The following PITPNM3 variants were observed in gnomAD, a reference collection of about 807,000 sequenced individuals.
PITPNM3 encodes the protein PITPNM family member 3.
Under a neutral mutation model 102.0 loss-of-function variants are expected in PITPNM3, and 26 were observed. The observed-to-expected ratio is 0.25, with a 90% CI of 0.19 to 0.35. The LOEUF (loss-of-function observed/expected upper bound fraction) is 0.35, where lower values mean the gene tolerates loss of function less well. PITPNM3 is among the 10% of genes least tolerant of loss of function. The pLI, the probability that PITPNM3 is intolerant of heterozygous loss-of-function variation, is 1.00. For synonymous variants in PITPNM3, 578 were observed against 558.6 expected (o/e 1.03, Z -0.49); for missense variants, 1,083 against 1,346.1 (o/e 0.80, Z 3.06).
intron 2 of PITPNM3, among the ~76,000 whole-genome samples, chr17:6,531,849 T>C (rs1909164515): frequency 1.3e-5 from 2 of 152,112 alleles, no homozygotes; most frequent in Non-Finnish European, 2.9e-5. Context: ...ACGCCTGTCA[T>C]CCCAGCACTC....
intron 3 of PITPNM3, among the ~76,000 whole-genome samples, chr17:6,522,672 T>G (rs1908605296): frequency 6.6e-6 from 1 of 152,134 alleles, no homozygotes; most frequent in Non-Finnish European, 1.5e-5. Context: ...GAGTCCTGTG[T>G]CTAAGGGCAG....
At chr17:6,522,627 C>T (rs376602715) in intron 3 of PITPNM3, among the ~76,000 whole-genome samples, 3 of 152,094 alleles carry the variant, frequency 2.0e-5, no homozygotes, top group Non-Finnish European at 2.9e-5. Context: ...CTGGCCAGAG[C>T]GTCCAGCATG....
In PITPNM3 at chr17:6,470,446, C is replaced by A. The variant is rs111463121; in HGVS notation, c.1625-38G>T. 5.8e-5 allele frequency: 94 copies of A among 1,613,572 alleles called. 1 individual carries two copies. In the African/African-American group the frequency reaches 1.1e-3, roughly 19 times the overall value. Reference sequence around the variant, plus strand: ...GAGGAAGGTGAGGATGCGTGGCCGGCCCGGGGCCTCACCCGAGGGGCAGCG... The same window carrying A: ...GAGGAAGGTGAGGATGCGTGGCCGGACCGGGGCCTCACCCGAGGGGCAGCG... On this transcript the variant is annotated intron_variant, in intron 12 of 19. Coordinates refer to ENST00000262483, the MANE Select transcript of PITPNM3 (RefSeq NM_031220.4). The surrounding 1 kb of genome is among the most constrained non-coding windows in gnomAD (Gnocchi z 4.8).
chr17:6,473,704 C>T (rs1381007956), intron 10 of PITPNM3, among the ~76,000 whole-genome samples: 1 of 152,094 alleles, frequency 6.6e-6, no homozygotes, highest in Non-Finnish European at 1.5e-5. Context: ...TAGCCGGGCA[C>T]GGTGGTTCAC....
Position 6,468,613 on chromosome 17 carries a change from A to C in PITPNM3, c.1774-272T>G, listed in dbSNP as rs1904905276. 6.6e-6 allele frequency among the ~76,000 whole-genome samples: 1 copy of C among 151,170 alleles called. No individual in the cohort carries two copies. The highest frequency in any genetic ancestry group is 2.4e-5 in the African/African-American group (1 of 41,080). On this transcript the variant is annotated intron_variant, in intron 13 of 19. Coordinates refer to ENST00000262483, the MANE Select transcript of PITPNM3 (RefSeq NM_031220.4). The surrounding 1 kb of genome is among the most constrained non-coding windows in gnomAD (Gnocchi z 5.2). ...CTGGCAGCCACCTCTATCTGTCCCCACTCTCTGCCCTCCCTCTGTTACAAC... is the reference window on the plus strand; with the variant it reads ...CTGGCAGCCACCTCTATCTGTCCCCCCTCTCTGCCCTCCCTCTGTTACAAC...
At chr17:6,505,656 C>T (rs1157755196) in intron 3 of PITPNM3, among the ~76,000 whole-genome samples, 1 of 152,208 alleles carries the variant, frequency 6.6e-6, no homozygotes, top group East Asian at 1.9e-4. Flanking sequence ...ACTCTGGCGT[C>T]CCTAAGAAGT....
rs1905147711 is a variant in PITPNM3 at position 6,473,299 on chromosome 17, GCT to G, written c.1259-474_1259-473del. The G allele has an allele frequency of 1.7e-4, 41 of 243,510 alleles. No homozygotes were observed. In the South Asian group the frequency reaches 2.1e-3, roughly 12 times the overall value. The allele number at this position is 243,510 out of a possible 1,614,324, so 15.1% of individuals were successfully genotyped here. A position where few individuals can be genotyped will look rare whatever the true frequency, so the allele number is the denominator to read the frequency against. ...CTGCTAGAGTTCCAGGTTTGCCAGA[GCT>G]GGTGGAACACTTCTCTCGCTGACCA... On this transcript the variant is annotated intron_variant, in intron 10 of 19. Transcript: ENST00000262483.
Position 6,451,927 on chromosome 17 carries a change from C to T in PITPNM3, c.*3411G>A, listed in dbSNP as rs1485433178. 4.3e-5 allele frequency: 4 copies of T among 94,028 alleles called. No homozygotes were observed. The highest frequency in any genetic ancestry group is 4.2e-5 in the Non-Finnish European group (2 of 47,276). The allele number at this position is 94,028 out of a possible 1,614,324, so 5.8% of individuals were successfully genotyped here. A position where few individuals can be genotyped will look rare whatever the true frequency, so the allele number is the denominator to read the frequency against. On this transcript the variant is annotated 3_prime_UTR_variant, in exon 20 of 20. Coordinates refer to ENST00000262483, the MANE Select transcript of PITPNM3 (RefSeq NM_031220.4). ...CGGTGGGAAAGTTGGTTGTTTAAGG[C>T]GGGGTCAGGGCACCCCTCCCGGGGC...
At position 6,556,035 on chromosome 17, in the gene PITPNM3, G is replaced by C. The variant is rs1007975567; in HGVS notation, c.22+350C>G. ...GGGTGTGGGACGAAGCGGCGGCCGC[G>C]GGACATCCCCTTCGGTGGCGAAGCC... On this transcript the variant is annotated intron_variant, in intron 1 of 19. Transcript: ENST00000262483. This position sits in a 1 kb window ranked among gnomAD's most constrained non-coding sequence, Gnocchi z 5.2. 1.3e-5 allele frequency among the ~76,000 whole-genome samples: 2 copies of C among 152,142 alleles called. No individual in the cohort carries two copies. Among genetic ancestry groups the C allele is most frequent in the Non-Finnish European group, 2.9e-5 (2 of 68,010 alleles).
At chr17:6,491,835 AT>A (rs1461985614) in intron 4 of PITPNM3, among the ~76,000 whole-genome samples, 19 of 114,770 alleles carry the variant, frequency 1.7e-4, no homozygotes, top group African/African-American at 3.2e-4. Context: ...ATATATATAT[AT>A]AATAAAGAAT....
chr17:6,483,258 T>C (rs571681950), intron 6 of PITPNM3, among the ~76,000 whole-genome samples: 12 of 152,164 alleles, frequency 7.9e-5, no homozygotes, highest in African/African-American at 2.9e-4. Context: ...CTCAGTGTCT[T>C]TATCTGGGCC....
intron 14 of PITPNM3, among the ~76,000 whole-genome samples, chr17:6,466,612 C>T (rs1904783587): frequency 2.0e-5 from 3 of 152,140 alleles, no homozygotes; most frequent in Admixed American, 6.5e-5. Flanking sequence ...GCTGAAGATG[C>T]GGAGAAATCA....
intron 1 of PITPNM3, among the ~76,000 whole-genome samples, chr17:6,555,707 C>G (rs956788617): frequency 2.6e-5 from 4 of 152,318 alleles, no homozygotes; most frequent in Non-Finnish European, 5.9e-5. Flanking sequence ...GAACGTCGGG[C>G]TGGATGAATG....
Position 6,472,977 on chromosome 17 carries a change from C to A in PITPNM3, c.1259-150G>T. 1.0e-6 allele frequency: 1 copy of A among 997,748 alleles called. No homozygotes were observed. Among genetic ancestry groups the A allele is most frequent in the Non-Finnish European group, 1.5e-6 (1 of 660,590 alleles). 61.8% of individuals were successfully genotyped at this position (997,748 alleles called of 1,614,324 possible). ...GCTCCCCACGGGAACAAAGCCATTA[C>A]GTTCAGTTTGTCTCCCCACCCAGGA... On this transcript the variant is annotated intron_variant, in intron 10 of 19. Transcript: ENST00000262483. The surrounding 1 kb of genome is among the most constrained non-coding windows in gnomAD (Gnocchi z 4.1).
chr17:6,455,535 G>C lies in PITPNM3; in HGVS notation c.2728C>G (p.Leu910Val). 1 of 1,604,524 alleles carries C rather than the reference G, an allele frequency of 6.2e-7. No individual in the cohort carries two copies. ...CGCAGGAACTCTGGCTGCGCGTGCA[G>C]CCCGAAGCTGCCCTTGCGCAGGATC... Reference protein sequence around the residue: ...RMILRKGSFGLHAQPEFLRKR... With the variant: ...RMILRKGSFGVHAQPEFLRKR... The change falls in exon 20 of 20, where the codon CTG becomes GTG. Residue 910 changes from leucine (L) to valine (V), a missense_variant. Leu to Val is a conservative substitution (Grantham distance 32). Coordinates refer to ENST00000262483, the MANE Select transcript of PITPNM3 (RefSeq NM_031220.4).
chr17:6,507,632 G>A (rs1907615433), intron 3 of PITPNM3, among the ~76,000 whole-genome samples: 2 of 151,924 alleles, frequency 1.3e-5, no homozygotes, highest in African/African-American at 2.4e-5. Flanking sequence ...AACACCATTC[G>A]GACTTCAGAA....
chr17:6,467,535 A>G (rs1049677593), intron 14 of PITPNM3, among the ~76,000 whole-genome samples: 1 of 152,236 alleles, frequency 6.6e-6, no homozygotes, highest in African/African-American at 2.4e-5. Flanking sequence ...GTTTACCAAA[A>G]AAGAGTTGGT....
At chr17:6,513,397 G>A (rs1168837406) in intron 3 of PITPNM3, among the ~76,000 whole-genome samples, 2 of 152,090 alleles carry the variant, frequency 1.3e-5, no homozygotes, top group East Asian at 1.9e-4. Context: ...CCTATGCATA[G>A]AAAGTACTAA....
intron 3 of PITPNM3, among the ~76,000 whole-genome samples, chr17:6,511,006 T>A (rs1302166641): frequency 6.6e-6 from 1 of 152,192 alleles, no homozygotes; most frequent in Non-Finnish European, 1.5e-5. Context: ...CAGGAAGCCA[T>A]GAATATCAGA....
Sources: gnomAD v4.1 joint callset for allele counts (sites outside exome capture counted in the v4.1 genomes callset) on GRCh38, gnomAD v4.1.1 for gene constraint, Gnocchi (gnomAD v3.1) non-coding constraint, MANE v1.5 for transcripts, NCBI Gene and HGNC (gene_info 2026-07-23, HGNC 2026-07-21) for gene names.